GPC5: variants seen among roughly 807,000 people sequenced by gnomAD.
GPC5 encodes the protein glypican 5, also known as glypican-5.
Under a neutral mutation model 53.9 loss-of-function variants are expected in GPC5, and 47 were observed. The observed-to-expected ratio is 0.87, with a 90% CI of 0.69 to 1.11. GPC5 has a LOEUF of 1.11. GPC5 is among the 50% of genes most tolerant of loss of function. The probability of loss-of-function intolerance (pLI) is 0.00; values close to 1 mark genes in which losing one functional copy is unlikely to be tolerated. For missense variants in GPC5, 748 were observed against 713.1 expected, an observed-to-expected ratio of 1.05 and a Z score of -0.56; for synonymous variants, 286 against 263.3, an observed-to-expected ratio of 1.09 and a Z score of -0.84.
At position 92,196,325 on chromosome 13, in the gene GPC5, G is replaced by C. The variant is rs1040600922; in HGVS notation, c.1561+51336G>C. The stretch of plus-strand genomic sequence containing the variant: ...AGACAGATTATGTTTTATTTTAAAG[G>C]TATGTACTTCTTACACAGGAATATG... On this transcript the variant is annotated intron_variant, in intron 7 of 7. Coordinates refer to ENST00000377067, the MANE Select transcript of GPC5 (RefSeq NM_004466.6). 2.6e-5 allele frequency among the ~76,000 whole-genome samples: 4 copies of C among 151,964 alleles called. No homozygotes were observed. In the East Asian group the frequency reaches 7.7e-4, roughly 29 times the overall value.
intron 3 of GPC5, among the ~76,000 whole-genome samples, chr13:91,697,887 G>GA (rs1361442129): frequency 1.4e-5 from 2 of 146,902 alleles, no homozygotes; most frequent in African/African-American, 5.1e-5. Flanking sequence ...ACAGTTTTAG[G>GA]AAAAAAAGAT....
intron 7 of GPC5, among the ~76,000 whole-genome samples, chr13:92,371,026 G>A (rs889167533): frequency 4.6e-5 from 7 of 152,082 alleles, no homozygotes; most frequent in Non-Finnish European, 8.8e-5. Context: ...TTAGGTGCCT[G>A]CAGTCACAGC....
At chr13:92,496,011 G>T (rs564596423) in intron 7 of GPC5, among the ~76,000 whole-genome samples, 80 of 151,954 alleles carry the variant, frequency 5.3e-4, no homozygotes, top group African/African-American at 1.9e-3. Context: ...GAATGTTCTT[G>T]TATTTTCTCT....
intron 4 of GPC5, among the ~76,000 whole-genome samples, chr13:91,753,448 T>C (rs2037222459): frequency 6.6e-6 from 1 of 152,202 alleles, no homozygotes; most frequent in Non-Finnish European, 1.5e-5. Flanking sequence ...GGATTCCTAA[T>C]GTCTTTCAAA....
At chr13:92,560,882 T>TG (rs1373718071) in intron 7 of GPC5, among the ~76,000 whole-genome samples, 1 of 151,476 alleles carries the variant, frequency 6.6e-6, no homozygotes, top group African/African-American at 2.4e-5. Flanking sequence ...TGTGTGTGTG[T>TG]GTGTGTGTGT....
intron 2 of GPC5, among the ~76,000 whole-genome samples, chr13:91,593,020 C>T (rs1475233284): frequency 6.6e-6 from 1 of 152,200 alleles, no homozygotes; most frequent in Non-Finnish European, 1.5e-5. Context: ...TTCCTAGTTC[C>T]ATACCGGCTG....
At chr13:92,354,993 T>TTTAATATTAAAG (rs1236544691) in intron 7 of GPC5, among the ~76,000 whole-genome samples, 2 of 151,566 alleles carry the variant, frequency 1.3e-5, no homozygotes, top group African/African-American at 2.4e-5. Flanking sequence ...TAATATATAA[T>TTTAATATTAAAG]TTAATATTAA....
At chr13:92,412,797 G>A (rs1380895334) in intron 7 of GPC5, among the ~76,000 whole-genome samples, 1 of 151,958 alleles carries the variant, frequency 6.6e-6, no homozygotes, top group Non-Finnish European at 1.5e-5. Flanking sequence ...CTGAAATATC[G>A]ATGTGTTTAT....
intron 7 of GPC5, among the ~76,000 whole-genome samples, chr13:92,690,334 T>A (rs1219630020): frequency 3.2e-5 from 3 of 93,188 alleles, no homozygotes; most frequent in African/African-American, 4.7e-5. Context: ...CCATTGTTGA[T>A]ACCCTTTCCT....
chr13:91,767,811 C>T (rs966070545), intron 5 of GPC5, among the ~76,000 whole-genome samples: 5 of 152,232 alleles, frequency 3.3e-5, no homozygotes, highest in African/African-American at 7.2e-5. Flanking sequence ...CCTAAAGGAC[C>T]TTTTCCCATC....
chr13:92,264,882 G>C (rs893781331), intron 7 of GPC5, among the ~76,000 whole-genome samples: 525 of 43,506 alleles, frequency 0.012, no homozygotes, highest in African/African-American at 0.031. Flanking sequence ...CTCTCTCTGT[G>C]TGTGTGTGTG....
intron 6 of GPC5, among the ~76,000 whole-genome samples, chr13:92,103,953 G>A (rs1229870129): frequency 6.6e-6 from 1 of 152,080 alleles, no homozygotes; most frequent in African/African-American, 2.4e-5. Flanking sequence ...TTCCTTTCAA[G>A]GTCAACTTTT....
chr13:91,987,442 C>A (rs1003654244), intron 6 of GPC5, among the ~76,000 whole-genome samples: 27 of 152,182 alleles, frequency 1.8e-4, no homozygotes, highest in African/African-American at 5.5e-4. Flanking sequence ...GCTGATTGGA[C>A]AACGTTCCCA....
chr13:92,697,078 C>T (rs1332617758), intron 7 of GPC5, among the ~76,000 whole-genome samples: 2 of 151,334 alleles, frequency 1.3e-5, no homozygotes, highest in African/African-American at 4.9e-5. Context: ...GGTAGCAGTA[C>T]CATGCTGTTT....
intron 6 of GPC5, among the ~76,000 whole-genome samples, chr13:92,053,107 A>G (rs1439662621): frequency 6.6e-6 from 1 of 152,204 alleles, no homozygotes; most frequent in Admixed American, 6.5e-5. Flanking sequence ...AAATGACTGT[A>G]GGACTCAATT....
At chr13:92,855,513 G>T (rs1244652237) in intron 7 of GPC5, among the ~76,000 whole-genome samples, 2 of 151,712 alleles carry the variant, frequency 1.3e-5, no homozygotes, top group Non-Finnish European at 2.9e-5. Context: ...CAGTTACTTA[G>T]ATGCTTGTCA....
chr13:92,284,827 G>A (rs899667593), intron 7 of GPC5, among the ~76,000 whole-genome samples: 6 of 152,094 alleles, frequency 3.9e-5, no homozygotes, highest in Non-Finnish European at 5.9e-5. Flanking sequence ...TTTGAAACCC[G>A]GCACAAGACA....
chr13:91,752,532 A>T (rs2037202075), intron 4 of GPC5, among the ~76,000 whole-genome samples: 1 of 152,218 alleles, frequency 6.6e-6, no homozygotes, highest in Non-Finnish European at 1.5e-5. Flanking sequence ...TATTTTATTT[A>T]ACCTCTCAGG....
At position 92,142,606 on chromosome 13, in the gene GPC5, CA is replaced by C. The variant is rs1417203840; in HGVS notation, c.1402-2222del. 2.0e-5 allele frequency among the ~76,000 whole-genome samples: 3 copies of C among 152,280 alleles called. No homozygotes were observed. In the East Asian group the frequency reaches 5.8e-4, roughly 29 times the overall value. Reference sequence around the variant, plus strand: ...TTCTGACAATATATCCAATCACTTTCAACCAAAATCAATTTCTTAAAATAGT... The same window carrying C: ...TTCTGACAATATATCCAATCACTTTCACCAAAATCAATTTCTTAAAATAGT... On this transcript the variant is annotated intron_variant, in intron 6 of 7. Coordinates refer to ENST00000377067, the MANE Select transcript of GPC5 (RefSeq NM_004466.6).
Sources: allele counts gnomAD v4.1 joint callset (sites outside exome capture counted in the v4.1 genomes callset), GRCh38; gene constraint gnomAD v4.1.1; transcripts MANE v1.5; gene names NCBI Gene and HGNC (gene_info 2026-07-23, HGNC 2026-07-21).